Variants in ZNHIT6 observed in about 807,000 individuals in gnomAD.
The protein encoded by ZNHIT6 is box C/D snoRNA protein 1.
Under a neutral mutation model 57.2 loss-of-function variants are expected in ZNHIT6, and 45 were observed. The observed-to-expected ratio is 0.79, with a 90% CI of 0.62 to 1.01. The LOEUF (loss-of-function observed/expected upper bound fraction) is 1.01, where lower values mean the gene tolerates loss of function less well. ZNHIT6 is among the 50% of genes least tolerant of loss of function. ZNHIT6 has a pLI of 0.00. For synonymous variants in ZNHIT6, 188 were observed against 190.0 expected (o/e 0.99, Z 0.09); for missense variants, 528 against 567.3 (o/e 0.93, Z 0.70).
chr1:85,682,038 G>C (rs1367095658), intron 5 of ZNHIT6, among the ~76,000 whole-genome samples: 2 of 144,396 alleles, frequency 1.4e-5, no homozygotes, highest in East Asian at 4.0e-4. Flanking sequence ...TTTTGAGACG[G>C]AGTTTCGCTC....
At chr1:85,685,095 G>A (rs1661990393) in intron 5 of ZNHIT6, among the ~76,000 whole-genome samples, 1 of 152,130 alleles carries the variant, frequency 6.6e-6, no homozygotes, top group Non-Finnish European at 1.5e-5. Flanking sequence ...ATAAATTGGT[G>A]CAAGCTACTG....
chr1:85,683,077 C>G (rs906429478), intron 5 of ZNHIT6, among the ~76,000 whole-genome samples: 2 of 152,104 alleles, frequency 1.3e-5, no homozygotes, highest in South Asian at 4.1e-4. Flanking sequence ...ATGAGCCAGG[C>G]ATGGTGGCGT....
intron 5 of ZNHIT6, among the ~76,000 whole-genome samples, chr1:85,693,960 T>A (rs976147798): frequency 6.6e-6 from 1 of 152,070 alleles, no homozygotes; most frequent in Non-Finnish European, 1.5e-5. Flanking sequence ...CTCTATTTTT[T>A]AAAAAGTAAA....
At chr1:85,673,049 G>A (rs968730849) in intron 8 of ZNHIT6, among the ~76,000 whole-genome samples, 1 of 152,238 alleles carries the variant, frequency 6.6e-6, no homozygotes. Flanking sequence ...TAGCAACATA[G>A]GCTTTTCTAG....
chr1:85,656,979 A>T (rs1349904257), intron 9 of ZNHIT6, among the ~76,000 whole-genome samples: 1 of 152,120 alleles, frequency 6.6e-6, no homozygotes, highest in East Asian at 1.9e-4. Context: ...TATCAATCCA[A>T]GACAAAGATT....
At chr1:85,672,020 T>G (rs1390239903) in intron 8 of ZNHIT6, among the ~76,000 whole-genome samples, 2 of 152,226 alleles carry the variant, frequency 1.3e-5, no homozygotes, top group Non-Finnish European at 2.9e-5. Flanking sequence ...ACACAGATTA[T>G]GTATTCTGGA....
intron 5 of ZNHIT6, among the ~76,000 whole-genome samples, chr1:85,698,610 C>A (rs1480867636): frequency 6.6e-6 from 1 of 152,088 alleles, no homozygotes; most frequent in East Asian, 1.9e-4. Context: ...TATTGCAACT[C>A]AAGTTGCTTA....
chr1:85,657,496 A>G (rs1221013831), intron 9 of ZNHIT6, among the ~76,000 whole-genome samples: 1 of 150,994 alleles, frequency 6.6e-6, no homozygotes, highest in Non-Finnish European at 1.5e-5. Flanking sequence ...AGAAATGTCT[A>G]AAGTCTTAAC....
rs559262740 is a variant in ZNHIT6, at chr1:85,707,946, G to A, written c.339C>T (p.Gly113=). The change falls in exon 1 of 10, where the codon GGC becomes GGT. Residue 113 remains glycine, a synonymous_variant. Transcript: ENST00000370574. ...DRPEVKDENA[G]VLEVKQETDS... ...CCGTCTCCTGCTTCACCTCCAATAC[G>A]CCTGCGTTCTCATCCTTCACCTCAG... 6.2e-7 allele frequency: 1 copy of A among 1,613,062 alleles called. No individual in the cohort carries two copies. The highest frequency in any genetic ancestry group is 2.2e-5 in the East Asian group (1 of 44,810).
At chr1:85,706,057 G>T in intron 4 of ZNHIT6, 21 bp downstream of exon 4, 3 of 1,568,186 alleles carry the variant, frequency 1.9e-6, no homozygotes, top group Non-Finnish European at 2.6e-6. Context: ...CTAACTGGAA[G>T]AAATTAGGAA....
chr1:85,670,142 T>TTA (rs1553156044), intron 8 of ZNHIT6, among the ~76,000 whole-genome samples: 5 of 151,594 alleles, frequency 3.3e-5, no homozygotes, highest in Admixed American at 2.6e-4. Flanking sequence ...TGTAAACCAA[T>TTA]AAAAAAAACC....
At chr1:85,691,832 G>A (rs1225900697) in intron 5 of ZNHIT6, among the ~76,000 whole-genome samples, 1 of 152,020 alleles carries the variant, frequency 6.6e-6, no homozygotes, top group African/African-American at 2.4e-5. Context: ...ATTGCAGAGC[G>A]CTAAGATCAC....
intron 6 of ZNHIT6, among the ~76,000 whole-genome samples, chr1:85,679,732 G>A (rs1371139109): frequency 2.0e-5 from 3 of 151,886 alleles, no homozygotes; most frequent in South Asian, 4.1e-4. Flanking sequence ...TTACAGGGGT[G>A]CGCCACTTCC....
At chr1:85,661,208 A>C (rs775852255) in intron 8 of ZNHIT6, among the ~76,000 whole-genome samples, 4 of 152,236 alleles carry the variant, frequency 2.6e-5, no homozygotes, top group Non-Finnish European at 5.9e-5. Context: ...TAAATGAAGC[A>C]ATAACTTTTA....
At chr1:85,687,122 C>T (rs112628137) in intron 5 of ZNHIT6, among the ~76,000 whole-genome samples, 3,658 of 147,572 alleles carry the variant, frequency 0.025, 158 homozygotes, top group African/African-American at 0.087. Context: ...ATACAAAAAA[C>T]AAAAAAAAAT....
intron 8 of ZNHIT6, among the ~76,000 whole-genome samples, chr1:85,671,028 A>C (rs1661543746): frequency 6.6e-6 from 1 of 152,234 alleles, no homozygotes; most frequent in Non-Finnish European, 1.5e-5. Flanking sequence ...TGTTGAGCTT[A>C]AGATTTAATG....
intron 8 of ZNHIT6, among the ~76,000 whole-genome samples, chr1:85,667,961 A>AAAAAAAATGTATATATATATATATATAT: frequency 8.2e-4 from 15 of 18,202 alleles, no homozygotes; most frequent in African/African-American, 3.2e-3. Flanking sequence ...AAAAAAAAAA[A>AAAAAAAATGTATATATATATATATATAT]ATATATATAT....
chr1:85,672,309 A>T (rs537885897), intron 8 of ZNHIT6, among the ~76,000 whole-genome samples: 11 of 151,960 alleles, frequency 7.2e-5, no homozygotes, highest in Non-Finnish European at 1.2e-4. Context: ...AGATTTTTAC[A>T]GTTTTCTACT....
intron 5 of ZNHIT6, 77 bp downstream of exon 5, chr1:85,702,080 C>T (rs577315839): frequency 2.1e-6 from 2 of 950,610 alleles, no homozygotes; most frequent in East Asian, 4.9e-5. Flanking sequence ...GGTAGCAATG[C>T]TCTATAGCAA....
Sources: gnomAD v4.1 joint callset for allele counts (sites outside exome capture counted in the v4.1 genomes callset) on GRCh38, gnomAD v4.1.1 for gene constraint, MANE v1.5 for transcripts, NCBI Gene and HGNC (gene_info 2026-07-23, HGNC 2026-07-21) for gene names.